The following PLB1 variants were observed in gnomAD, a reference collection of about 807,000 sequenced individuals.
PLB1 encodes phospholipase B1, membrane-associated.
PLB1 carries 242 observed loss-of-function variants against 227.4 expected under a neutral mutation model. The ratio of observed to expected loss-of-function variants is 1.06; its 90% CI spans 0.96 to 1.18. The LOEUF (loss-of-function observed/expected upper bound fraction) is 1.18, where lower values mean the gene tolerates loss of function less well. Ranked by LOEUF, PLB1 falls within the 50% of genes most tolerant of loss-of-function variation. The pLI is 0.00. For missense variants in PLB1, 1,858 were observed against 1,816.3 expected, an observed-to-expected ratio of 1.02 and a Z score of -0.42; for synonymous variants, 757 against 682.2, an observed-to-expected ratio of 1.11 and a Z score of -1.71.
At chr2:28,532,985 C>T (rs1029212521) in intron 9 of PLB1, among the ~76,000 whole-genome samples, 1 of 152,136 alleles carries the variant, frequency 6.6e-6, no homozygotes, top group East Asian at 1.9e-4. Flanking sequence ...ATAAATGGCA[C>T]CTGGACTCTT....
intron 16 of PLB1, among the ~76,000 whole-genome samples, chr2:28,552,697 C>A (rs1354308408): frequency 6.6e-6 from 1 of 152,054 alleles, no homozygotes; most frequent in East Asian, 1.9e-4. Flanking sequence ...ATAACAAAGG[C>A]CTGAACTTAG....
chr2:28,618,311 C>T, intron 45 of PLB1, 30 bp from the exon 46 acceptor site: 2 of 1,608,534 alleles, frequency 1.2e-6, no homozygotes, highest in Non-Finnish European at 8.5e-7. Flanking sequence ...CCCCAGCCCC[C>T]ACAACCACCT....
chr2:28,642,870 C>T lies in PLB1; in HGVS notation c.4186C>T (p.Leu1396Phe). 2 of 1,601,246 alleles carry T rather than the reference C, an allele frequency of 1.2e-6. No individual in the cohort carries two copies. Among genetic ancestry groups the T allele is most frequent in the South Asian group, 1.1e-5 (1 of 88,702 alleles). ...LKCPSPESPYLYTLRNSRLLP... is the reference protein window; with the variant it reads ...LKCPSPESPYFYTLRNSRLLP... ...TCCTCCTCCACAGGAGAGCCCTTAC[C>T]TCTACACCCTGCGGAACAGCCGATT... Residue 1396 changes from leucine (L) to phenylalanine (F), a missense_variant, in exon 58 of 58, where the codon CTC becomes TTC. Transcript: ENST00000327757.
intron 25 of PLB1, among the ~76,000 whole-genome samples, chr2:28,583,372 C>T (rs1209541234): frequency 6.6e-6 from 1 of 151,906 alleles, no homozygotes; most frequent in East Asian, 1.9e-4. Context: ...TTAGTAGAGA[C>T]GGAGTTTTAT....
At chr2:28,621,549 A>G (rs576346891) in intron 49 of PLB1, among the ~76,000 whole-genome samples, 9 of 152,340 alleles carry the variant, frequency 5.9e-5, no homozygotes, top group Non-Finnish European at 8.8e-5. Flanking sequence ...GTTGTTGACA[A>G]CAACTCAGAT....
intron 30 of PLB1, 119 bp from the exon 31 acceptor site, chr2:28,591,581 C>T (rs1681943710): frequency 2.9e-6 from 3 of 1,030,434 alleles, no homozygotes; most frequent in Middle Eastern, 5.0e-4. Flanking sequence ...TTTTGAGGCC[C>T]CTCCCTAGGA....
intron 49 of PLB1, 34 bp from the exon 50 acceptor site, chr2:28,625,023 G>A (rs750141432): frequency 1.1e-5 from 17 of 1,604,126 alleles, no homozygotes; most frequent in South Asian, 3.3e-5. Context: ...CTCCTGAGCC[G>A]GCACTAACGC....
chr2:28,625,203 T>G (rs1183456518), intron 50 of PLB1, 95 bp downstream of exon 50: 3 of 1,199,834 alleles, frequency 2.5e-6, no homozygotes, highest in Admixed American at 2.0e-5. Context: ...ACCACAGCAC[T>G]TCCTGCTTTG....
rs1330528177 is a variant in PLB1 at position 28,582,524 on chromosome 2, C to A, written c.1733+19C>A. ...TCCTCAGGTCAGACAGATACTTCTC[C>A]CCGATTCTACTAAGAATCCTCACTG... On this transcript the variant is annotated intron_variant, in intron 25 of 57. Transcript: ENST00000327757. 6 of 1,558,196 alleles carry A rather than the reference C, an allele frequency of 3.9e-6. No individual in the cohort carries two copies. Among genetic ancestry groups the A allele is most frequent in the Non-Finnish European group, 5.3e-6 (6 of 1,139,916 alleles).
chr2:28,589,855 C>A, intron 28 of PLB1, 85 bp downstream of exon 28: 1 of 1,413,684 alleles, frequency 7.1e-7, no homozygotes, highest in Non-Finnish European at 1.0e-6. Flanking sequence ...GGAGGCCCAT[C>A]GTGCAGGCCA....
chr2:28,577,903 C>A (rs1469023438), intron 21 of PLB1, among the ~76,000 whole-genome samples: 1 of 152,204 alleles, frequency 6.6e-6, no homozygotes, highest in Non-Finnish European at 1.5e-5. Flanking sequence ...AGTGCTCTGG[C>A]CTTCCCAAGC....
intron 56 of PLB1, among the ~76,000 whole-genome samples, chr2:28,637,695 G>A (rs375806210): frequency 6.6e-5 from 10 of 152,314 alleles, no homozygotes; most frequent in Admixed American, 3.3e-4. Context: ...CTCCAGCAGC[G>A]TCCTGCACCA....
intron 56 of PLB1, among the ~76,000 whole-genome samples, chr2:28,635,168 C>A (rs192817637): frequency 9.6e-4 from 146 of 152,296 alleles, no homozygotes; most frequent in African/African-American, 3.2e-3. Context: ...CTAAAGCCAT[C>A]CAGGGGTTTC....
At chr2:28,545,441 C>T (rs373169508) in intron 14 of PLB1, among the ~76,000 whole-genome samples, 2 of 152,134 alleles carry the variant, frequency 1.3e-5, no homozygotes, top group African/African-American at 4.8e-5. Context: ...CCTGCAGACC[C>T]GAATTCAGCC....
In PLB1 at chr2:28,573,321, C is replaced by T. The variant is rs373747007; in HGVS notation, c.1433+16C>T. On this transcript the variant is annotated intron_variant, in intron 21 of 57. Transcript: ENST00000327757. ...GCCGAGCTGAGTAAGCAGGGGTGACCGGGGCGGTGAACAGCACAGGTCCTC... is the reference window on the plus strand; with the variant it reads ...GCCGAGCTGAGTAAGCAGGGGTGACTGGGGCGGTGAACAGCACAGGTCCTC... The T allele has an allele frequency of 3.3e-5, 53 of 1,593,064 alleles. No homozygotes were observed. In the African/African-American group the frequency reaches 5.6e-4, roughly 17 times the overall value.
At chr2:28,540,977 T>G (rs1672396537) in intron 12 of PLB1, among the ~76,000 whole-genome samples, 6 of 151,960 alleles carry the variant, frequency 3.9e-5, no homozygotes. Context: ...TCAAGACCAG[T>G]CTGGGCAACA....
chr2:28,558,064 G>A (rs1416229958), intron 17 of PLB1, among the ~76,000 whole-genome samples: 1 of 152,026 alleles, frequency 6.6e-6, no homozygotes, highest in Non-Finnish European at 1.5e-5. Flanking sequence ...ATGACGTCAG[G>A]CACTTTCAGG....
At chr2:28,628,969 C>A in intron 52 of PLB1, 125 bp from the exon 53 acceptor site, 2 of 747,150 alleles carry the variant, frequency 2.7e-6, no homozygotes, top group Non-Finnish European at 2.2e-6. Flanking sequence ...AGTTGCATCC[C>A]CTCTCTGGGC....
intron 32 of PLB1, among the ~76,000 whole-genome samples, chr2:28,593,037 T>A (rs1320311010): frequency 6.6e-6 from 1 of 152,222 alleles, no homozygotes; most frequent in African/African-American, 2.4e-5. Context: ...GCGGGCGCTC[T>A]TTTTCCTTTG....
Sources: allele counts gnomAD v4.1 joint callset (sites outside exome capture counted in the v4.1 genomes callset), GRCh38; gene constraint gnomAD v4.1.1; transcripts MANE v1.5; gene names NCBI Gene and HGNC (gene_info 2026-07-23, HGNC 2026-07-21).